Variants in KCNIP4 observed in about 807,000 individuals in gnomAD.
KCNIP4 encodes Kv channel-interacting protein 4.
In KCNIP4, 12 loss-of-function variants were observed where a neutral mutation model predicts 34.0. That is an observed-to-expected ratio of 0.35 (90% CI 0.23 to 0.57). The LOEUF (loss-of-function observed/expected upper bound fraction) is 0.57. Among genes scored for constraint, KCNIP4 ranks in the 20% least tolerant of loss-of-function variants. The probability of loss-of-function intolerance (pLI) is 0.83; values close to 1 mark genes in which losing one functional copy is unlikely to be tolerated. For synonymous variants in KCNIP4, 124 were observed against 102.2 expected, an observed-to-expected ratio of 1.21 and a Z score of -1.29; for missense variants, 238 against 311.7, an observed-to-expected ratio of 0.76 and a Z score of 1.78.
At chr4:21,854,753 C>T (rs950454251) in intron 1 of KCNIP4, among the ~76,000 whole-genome samples, 1 of 152,194 alleles carries the variant, frequency 6.6e-6, no homozygotes, top group African/African-American at 2.4e-5. Flanking sequence ...GGAAACCAGG[C>T]CCTTCTTTCC....
intron 1 of KCNIP4, among the ~76,000 whole-genome samples, chr4:21,190,475 C>A (rs1323216319): frequency 7.2e-6 from 1 of 139,414 alleles, no homozygotes; most frequent in Admixed American, 7.5e-5. Context: ...GAACTAAGTG[C>A]AACCTTTCAT....
intron 1 of KCNIP4, among the ~76,000 whole-genome samples, chr4:21,580,622 A>G (rs566048764): frequency 6.6e-6 from 1 of 152,228 alleles, no homozygotes; most frequent in South Asian, 2.1e-4. Context: ...AAGTAAACAA[A>G]TGTTTAAAAT....
intron 1 of KCNIP4, among the ~76,000 whole-genome samples, chr4:21,914,363 G>A (rs1177939425): frequency 1.3e-5 from 2 of 152,072 alleles, no homozygotes; most frequent in African/African-American, 4.8e-5. Context: ...ATAGTCTAGT[G>A]GACCACGTTG....
chr4:21,559,296 T>C (rs1330184677), intron 1 of KCNIP4, among the ~76,000 whole-genome samples: 1 of 152,098 alleles, frequency 6.6e-6, no homozygotes, highest in Non-Finnish European at 1.5e-5. Context: ...TTAATCCAAG[T>C]CTTACAATTT....
intron 1 of KCNIP4, among the ~76,000 whole-genome samples, chr4:21,355,289 A>G (rs1718459168): frequency 6.6e-6 from 1 of 152,212 alleles, no homozygotes; most frequent in Non-Finnish European, 1.5e-5. Context: ...GAAGGCAAGA[A>G]ATAACTAAGA....
At chr4:21,418,949 A>C (rs1725202333) in intron 1 of KCNIP4, among the ~76,000 whole-genome samples, 1 of 152,224 alleles carries the variant, frequency 6.6e-6, no homozygotes, top group African/African-American at 2.4e-5. Flanking sequence ...GGAGATAAGA[A>C]GTAATGAAAA....
intron 1 of KCNIP4, among the ~76,000 whole-genome samples, chr4:21,723,158 T>C (rs1005709426): frequency 6.6e-6 from 1 of 152,126 alleles, no homozygotes; most frequent in African/African-American, 2.4e-5. Context: ...TGATTTCACA[T>C]AGATGATATA....
intron 3 of KCNIP4, among the ~76,000 whole-genome samples, chr4:20,839,866 T>C (rs932098495): frequency 1.3e-5 from 2 of 152,152 alleles, no homozygotes; most frequent in African/African-American, 4.8e-5. Context: ...TTATAAATTT[T>C]ACCTCAACAT....
At position 21,558,591 on chromosome 4, in the gene KCNIP4, T is replaced by C. The variant is rs539498111; in HGVS notation, c.61+389980A>G. Among the ~76,000 whole-genome samples, 239 of 152,254 alleles carry C rather than the reference T, an allele frequency of 1.6e-3. 1 individual carries two copies. The highest frequency in any genetic ancestry group is 3.0e-3 in the Admixed American group (46 of 15,286). ...AATTTGCCAAAAGAAATTGAAATTA[T>C]ACATTGCTAGTCTCATTAGAGAGTT... On this transcript the variant is annotated intron_variant, in intron 1 of 8. Coordinates refer to ENST00000382152, the MANE Select transcript of KCNIP4 (RefSeq NM_025221.6).
intron 1 of KCNIP4, among the ~76,000 whole-genome samples, chr4:21,895,140 G>C (rs1560793931): frequency 6.6e-6 from 1 of 152,170 alleles, no homozygotes; most frequent in Admixed American, 6.6e-5. Context: ...TAGATGTCTT[G>C]CTAAACCTTG....
At chr4:21,254,572 TG>T (rs1760932875) in intron 1 of KCNIP4, among the ~76,000 whole-genome samples, 2 of 152,320 alleles carry the variant, frequency 1.3e-5, no homozygotes, top group Admixed American at 1.3e-4. Flanking sequence ...TTTTAAAACT[TG>T]AAGGCCCTAC....
chr4:21,553,444 A>G (rs954744949), intron 1 of KCNIP4, among the ~76,000 whole-genome samples: 1 of 152,130 alleles, frequency 6.6e-6, no homozygotes, highest in South Asian at 2.1e-4. Flanking sequence ...ACTAATGCCA[A>G]TGCTAGAGGC....
At chr4:21,811,353 T>C (rs1473892422) in intron 1 of KCNIP4, among the ~76,000 whole-genome samples, 1 of 152,196 alleles carries the variant, frequency 6.6e-6, no homozygotes, top group Non-Finnish European at 1.5e-5. Flanking sequence ...TATAAGGATT[T>C]GGGTGGAATA....
chr4:21,898,046 G>A (rs1396248502), intron 1 of KCNIP4, among the ~76,000 whole-genome samples: 1 of 152,134 alleles, frequency 6.6e-6, no homozygotes, highest in African/African-American at 2.4e-5. Context: ...AGTAGGACAG[G>A]GAAGAACTCA....
At chr4:21,677,283 T>C (rs527646942) in intron 1 of KCNIP4, among the ~76,000 whole-genome samples, 1 of 152,348 alleles carries the variant, frequency 6.6e-6, no homozygotes, top group East Asian at 1.9e-4. Context: ...TGAAGAATTC[T>C]ATTTTAATTC....
intron 1 of KCNIP4, among the ~76,000 whole-genome samples, chr4:21,098,474 A>G (rs1747654015): frequency 6.6e-6 from 1 of 152,184 alleles, no homozygotes; most frequent in African/African-American, 2.4e-5. Flanking sequence ...ATACTCATTT[A>G]CCATTTGAGA....
chr4:21,308,132 C>A (rs1232371791), intron 1 of KCNIP4, among the ~76,000 whole-genome samples: 3 of 152,144 alleles, frequency 2.0e-5, no homozygotes, highest in African/African-American at 7.2e-5. Context: ...TCCTGTAGGG[C>A]CTTGAATTCC....
At chr4:21,020,951 T>C (rs1320160995) in intron 1 of KCNIP4, among the ~76,000 whole-genome samples, 1 of 152,180 alleles carries the variant, frequency 6.6e-6, no homozygotes, top group Non-Finnish European at 1.5e-5. Flanking sequence ...AATGCAGTCA[T>C]GCTTTGCTTA....
intron 1 of KCNIP4, among the ~76,000 whole-genome samples, chr4:21,236,795 G>T (rs1469714911): frequency 6.6e-6 from 1 of 151,472 alleles, no homozygotes; most frequent in Non-Finnish European, 1.5e-5. Context: ...GGATCACAAG[G>T]TCAGGAGCTC....
Sources: allele counts gnomAD v4.1 joint callset (sites outside exome capture counted in the v4.1 genomes callset), GRCh38; gene constraint gnomAD v4.1.1; transcripts MANE v1.5; gene names NCBI Gene and HGNC (gene_info 2026-07-23, HGNC 2026-07-21).